RANBP2: variants seen among roughly 807,000 people sequenced by gnomAD.
RANBP2 encodes E3 SUMO-protein ligase RanBP2.
RANBP2 carries 57 observed loss-of-function variants against 303.6 expected under a neutral mutation model. That is an observed-to-expected ratio of 0.19 (90% CI 0.15 to 0.23). RANBP2 has a LOEUF of 0.23. Among genes scored for constraint, RANBP2 ranks in the 10% least tolerant of loss-of-function variants. RANBP2 has a pLI of 1.00. For missense variants in RANBP2, 3,138 were observed against 3,780.8 expected (o/e 0.83, Z 4.46); for synonymous variants, 1,167 against 1,301.5 (o/e 0.90, Z 2.23).
At chr2:108,723,692 A>T (rs549071661) in intron 1 of RANBP2, among the ~76,000 whole-genome samples, 2 of 152,168 alleles carry the variant, frequency 1.3e-5, no homozygotes, top group Non-Finnish European at 2.9e-5. Flanking sequence ...TGAATATTTA[A>T]CATTTATATA....
the RANBP2 span, among the ~76,000 whole-genome samples, chr2:108,996,799 G>A: frequency 6.6e-6 from 1 of 152,162 alleles, no homozygotes; most frequent in Admixed American, 6.5e-5. Flanking sequence ...ATGCGGGCTA[G>A]GTGGCTTTTC....
the RANBP2 span, among the ~76,000 whole-genome samples, chr2:108,870,568 G>GTCA: frequency 6.6e-6 from 1 of 151,962 alleles, no homozygotes; most frequent in Non-Finnish European, 1.5e-5. Flanking sequence ...TCATGAAACT[G>GTCA]TCAAAAGTAA....
chr2:109,524,602 C>T, the RANBP2 span, among the ~76,000 whole-genome samples: 1 of 151,906 alleles, frequency 6.6e-6, no homozygotes, highest in South Asian at 2.1e-4. Flanking sequence ...ACTAAAAATA[C>T]AGAAATTAGC....
the RANBP2 span, chr2:109,614,879 G>A: frequency 2.5e-5 from 36 of 1,425,790 alleles, no homozygotes; most frequent in Middle Eastern, 1.0e-3. Context: ...TCCCTGGACA[G>A]GGCCGCGAGC....
chr2:108,736,367 T>G, intron 6 of RANBP2, 118 bp downstream of exon 6: 1 of 1,582,538 alleles, frequency 6.3e-7, no homozygotes, highest in Non-Finnish European at 8.6e-7. Context: ...CTAGGAGTTA[T>G]AGTTAATACA....
At chr2:109,624,835 C>A in the RANBP2 span, among the ~76,000 whole-genome samples, 1 of 152,050 alleles carries the variant, frequency 6.6e-6, no homozygotes, top group East Asian at 1.9e-4. Flanking sequence ...AATCCCAGCA[C>A]TTTGGGAAGC....
At chr2:108,857,004 C>T in the RANBP2 span, 36 of 1,145,608 alleles carry the variant, frequency 3.1e-5, no homozygotes, top group Non-Finnish European at 3.5e-5. Flanking sequence ...GTAAAGAAAG[C>T]AGGATGATTT....
chr2:109,479,870 G>A, the RANBP2 span, among the ~76,000 whole-genome samples: 3 of 152,000 alleles, frequency 2.0e-5, no homozygotes, highest in African/African-American at 4.8e-5. Context: ...GCCTTCATAC[G>A]GCAGCACCTA....
At chr2:108,723,410 G>A (rs1384966231) in intron 1 of RANBP2, among the ~76,000 whole-genome samples, 1 of 151,720 alleles carries the variant, frequency 6.6e-6, no homozygotes, top group Non-Finnish European at 1.5e-5. Context: ...CTGTAGCTGG[G>A]ACTACAGGCA....
the RANBP2 span, among the ~76,000 whole-genome samples, chr2:109,685,599 T>G: frequency 6.6e-6 from 1 of 152,346 alleles, no homozygotes; most frequent in Non-Finnish European, 1.5e-5. Flanking sequence ...CCTTGCCCCC[T>G]GCACGGCCTG....
chr2:109,377,414 C>T, the RANBP2 span, among the ~76,000 whole-genome samples: 6 of 152,084 alleles, frequency 3.9e-5, no homozygotes, highest in Non-Finnish European at 8.8e-5. Context: ...GCGTCAGTGG[C>T]TGTGGTAGGA....
chr2:109,498,007 A>G, the RANBP2 span, among the ~76,000 whole-genome samples: 1 of 152,118 alleles, frequency 6.6e-6, no homozygotes, highest in East Asian at 1.9e-4. Flanking sequence ...GGGCCCTCGC[A>G]GCCTCAGTTT....
At chr2:109,515,558 GCCTCATCC>G in the RANBP2 span, among the ~76,000 whole-genome samples, 1 of 152,014 alleles carries the variant, frequency 6.6e-6, no homozygotes, top group Non-Finnish European at 1.5e-5. Context: ...TCAGGAGAGC[GCCTCATCC>G]CCTCAGCCAG....
chr2:109,166,584 T>C, the RANBP2 span, among the ~76,000 whole-genome samples: 2 of 152,152 alleles, frequency 1.3e-5, no homozygotes, highest in Non-Finnish European at 2.9e-5. Flanking sequence ...GAAAAGATTA[T>C]TCAGAAAAAA....
At chr2:109,627,439 C>T in the RANBP2 span, among the ~76,000 whole-genome samples, 2 of 152,188 alleles carry the variant, frequency 1.3e-5, no homozygotes, top group Non-Finnish European at 2.9e-5. Context: ...TCAGGTGATC[C>T]ACTCACCTTG....
chr2:109,416,392 C>G, the RANBP2 span, among the ~76,000 whole-genome samples: 1 of 151,946 alleles, frequency 6.6e-6, no homozygotes, highest in African/African-American at 2.4e-5. Context: ...GTCAGGAGTT[C>G]AAGACTAGCC....
the RANBP2 span, among the ~76,000 whole-genome samples, chr2:108,861,397 G>A: frequency 6.7e-6 from 1 of 149,848 alleles, no homozygotes; most frequent in Non-Finnish European, 1.5e-5. Context: ...TCTAGTTCCT[G>A]TAGGTGTGAC....
chr2:109,358,013 G>A, the RANBP2 span, among the ~76,000 whole-genome samples: 11 of 152,270 alleles, frequency 7.2e-5, no homozygotes, highest in Middle Eastern at 6.8e-3. Flanking sequence ...TACAAAGTAG[G>A]TTCACTGCCC....
chr2:108,935,328 G>C, the RANBP2 span, among the ~76,000 whole-genome samples: 1 of 152,146 alleles, frequency 6.6e-6, no homozygotes, highest in African/African-American at 2.4e-5. Context: ...GTTGCTCAAA[G>C]TGGGGCCCCT....
Sources: allele counts gnomAD v4.1 joint callset (sites outside exome capture counted in the v4.1 genomes callset), GRCh38; gene constraint gnomAD v4.1.1; transcripts MANE v1.5; gene names NCBI Gene and HGNC (gene_info 2026-07-23, HGNC 2026-07-21).